KSR1: variants seen among roughly 807,000 people sequenced by gnomAD.
KSR1 encodes the protein kinase suppressor of ras.
KSR1 carries 35 observed loss-of-function variants against 92.9 expected under a neutral mutation model. That is an observed-to-expected ratio of 0.38 (90% CI 0.29 to 0.50). The LOEUF (loss-of-function observed/expected upper bound fraction) is 0.50. KSR1 is among the 20% of genes least tolerant of loss of function. KSR1 has a pLI of 0.94. For synonymous variants in KSR1, 467 were observed against 472.6 expected (o/e 0.99, Z 0.15); for missense variants, 972 against 1,158.5 (o/e 0.84, Z 2.34).
intron 4 of KSR1, among the ~76,000 whole-genome samples, chr17:27,584,473 G>T (rs995699080): frequency 6.6e-6 from 1 of 152,172 alleles, no homozygotes; most frequent in Non-Finnish European, 1.5e-5. Flanking sequence ...ACCCAGAAGG[G>T]GCTGTAGAAT....
At chr17:27,471,546 T>C (rs574842281) in intron 1 of KSR1, among the ~76,000 whole-genome samples, 1 of 152,202 alleles carries the variant, frequency 6.6e-6, no homozygotes, top group South Asian at 2.1e-4. Context: ...AGGAGGAGGC[T>C]GGTGTGCCTG....
At chr17:27,502,867 C>T (rs763986106) in intron 1 of KSR1, among the ~76,000 whole-genome samples, 5 of 152,218 alleles carry the variant, frequency 3.3e-5, no homozygotes, top group Admixed American at 6.5e-5. Context: ...AAAGAAATCT[C>T]TGCCTGGCTG....
intron 9 of KSR1, among the ~76,000 whole-genome samples, chr17:27,593,704 T>C (rs538938698): frequency 1.3e-5 from 2 of 152,208 alleles, no homozygotes; most frequent in Non-Finnish European, 2.9e-5. Flanking sequence ...TCACCCAGAA[T>C]GGGGAGGCAG....
chr17:27,554,701 A>AAATAAAT (rs2151099291), intron 2 of KSR1, among the ~76,000 whole-genome samples: 1 of 152,366 alleles, frequency 6.6e-6, no homozygotes, highest in African/African-American at 2.4e-5. Flanking sequence ...GTAATAGAAT[A>AAATAAAT]AAGTGCATGA....
Position 27,588,435 on chromosome 17 carries a change from G to A in KSR1, c.986-40G>A, listed in dbSNP as rs557069859. On this transcript the variant is annotated intron_variant, in intron 5 of 20. Transcript: ENST00000644974. ...GTCATGGGCACGAGCTGTCGCCTGC[G>A]GAGTTCCTCAGCCTGCCCATCCGGC... 5.4e-5 allele frequency: 84 copies of A among 1,541,576 alleles called. No individual in the cohort carries two copies. In the Middle Eastern group the frequency reaches 1.0e-3, roughly 19 times the overall value.
chr17:27,601,766 C>T (rs1453737428), intron 11 of KSR1: 4 of 694,204 alleles, frequency 5.8e-6, no homozygotes, highest in Non-Finnish European at 4.9e-6. Flanking sequence ...CATATGTCAC[C>T]GTATCCTCCC....
At chr17:27,521,576 C>T (rs1469015182) in intron 1 of KSR1, among the ~76,000 whole-genome samples, 1 of 152,142 alleles carries the variant, frequency 6.6e-6, no homozygotes, top group Non-Finnish European at 1.5e-5. Flanking sequence ...GGATCACAGA[C>T]ATGAGCCACC....
chr17:27,602,019 C>T (rs1383996672), intron 11 of KSR1: 4 of 1,108,982 alleles, frequency 3.6e-6, no homozygotes, highest in Non-Finnish European at 5.4e-6. Flanking sequence ...TATGTACCAA[C>T]CTTTTCATTC....
At chr17:27,601,664 C>A (rs62057839) in intron 11 of KSR1, among the ~76,000 whole-genome samples, 1,709 of 152,312 alleles carry the variant, frequency 0.011, 18 homozygotes, top group Middle Eastern at 0.021. Context: ...CTGCAGGCAA[C>A]CTTTTCAAGG....
intron 14 of KSR1, among the ~76,000 whole-genome samples, chr17:27,607,429 A>G (rs1361755392): frequency 3.3e-5 from 5 of 151,686 alleles, no homozygotes; most frequent in African/African-American, 1.2e-4. Flanking sequence ...CCTAACATCT[A>G]CCCCACCCCC....
chr17:27,622,335 T>G (rs1306817467), intron 20 of KSR1: 1 of 205,872 alleles, frequency 4.9e-6, no homozygotes, highest in Non-Finnish European at 9.7e-6. Flanking sequence ...CACACCAGCC[T>G]CCCACTGGGT....
chr17:27,532,515 G>A (rs773804313), intron 1 of KSR1, among the ~76,000 whole-genome samples: 1 of 152,232 alleles, frequency 6.6e-6, no homozygotes, highest in African/African-American at 2.4e-5. Context: ...ATGCAACAGT[G>A]AGTGCGTGCA....
chr17:27,577,653 G>T lies in KSR1; in HGVS notation c.520+14G>T. ...TGACAGGCCTGGGTACGTGGGGCCT[G>T]CCACCCTCTCCCTTGCCTGGCCTGG... On this transcript the variant is annotated intron_variant, in intron 3 of 20. Coordinates refer to ENST00000644974, the MANE Select transcript of KSR1 (RefSeq NM_001394583.1). The surrounding 1 kb of genome is among the most constrained non-coding windows in gnomAD (Gnocchi z 4.5). 6.5e-7 allele frequency: 1 copy of T among 1,535,778 alleles called. No individual in the cohort carries two copies. The highest frequency in any genetic ancestry group is 8.8e-7 in the Non-Finnish European group (1 of 1,142,350).
At chr17:27,483,340 C>A (rs1023790351) in intron 1 of KSR1, among the ~76,000 whole-genome samples, 2 of 152,104 alleles carry the variant, frequency 1.3e-5, no homozygotes, top group African/African-American at 4.8e-5. Flanking sequence ...GTAATCCCAG[C>A]ACTTTGGGAG....
At chr17:27,523,124 A>G (rs889308232) in intron 1 of KSR1, among the ~76,000 whole-genome samples, 5 of 152,326 alleles carry the variant, frequency 3.3e-5, no homozygotes, top group East Asian at 3.9e-4. Context: ...TTTTACTTCT[A>G]TTGTCTGTAC....
Position 27,456,490 on chromosome 17 carries a change from A to C in KSR1, c.-154A>C. 2.6e-6 allele frequency: 1 copy of C among 383,480 alleles called. No individual in the cohort carries two copies. The allele number at this position is 383,480 out of a possible 1,614,324, so 23.8% of individuals were successfully genotyped here. On this transcript the variant is annotated 5_prime_UTR_variant, in exon 1 of 21. Coordinates refer to ENST00000644974, the MANE Select transcript of KSR1 (RefSeq NM_001394583.1). Reference sequence around the variant, plus strand: ...TTTGCTGCCGCGGCTGGGAGGGTGGAAGCGGCAGACTCAGCGGCCGGCTCT... The same window carrying C: ...TTTGCTGCCGCGGCTGGGAGGGTGGCAGCGGCAGACTCAGCGGCCGGCTCT...
At chr17:27,578,069 ACT>A (rs2151156731) in intron 3 of KSR1, 3 of 283,330 alleles carry the variant, frequency 1.1e-5, no homozygotes, top group South Asian at 6.1e-5. Context: ...GATTAGGGAA[ACT>A]CTATGGCTCT....
chr17:27,524,559 G>T (rs2070176218), intron 1 of KSR1, among the ~76,000 whole-genome samples: 1 of 152,216 alleles, frequency 6.6e-6, no homozygotes, highest in Admixed American at 6.5e-5. Context: ...GGCAAATCCA[G>T]CAAGTACAGG....
intron 1 of KSR1, chr17:27,526,365 A>G: frequency 7.0e-7 from 1 of 1,434,684 alleles, no homozygotes; most frequent in Non-Finnish European, 9.4e-7. Context: ...AATTAATTAC[A>G]AGAGAGCCAC....
Sources: gnomAD v4.1 joint callset for allele counts (sites outside exome capture counted in the v4.1 genomes callset) on GRCh38, gnomAD v4.1.1 for gene constraint, Gnocchi (gnomAD v3.1) non-coding constraint, MANE v1.5 for transcripts, NCBI Gene and HGNC (gene_info 2026-07-23, HGNC 2026-07-21) for gene names.